The following DAB1 variants were observed in gnomAD, a reference collection of about 807,000 sequenced individuals.
The protein encoded by DAB1 is DAB adaptor protein 1, also known as disabled homolog 1.
In DAB1, 15 loss-of-function variants were observed where a neutral mutation model predicts 64.6. That is an observed-to-expected ratio of 0.23 (90% CI 0.16 to 0.36). The LOEUF is 0.36. DAB1 is among the 10% of genes least tolerant of loss of function. The probability of loss-of-function intolerance (pLI) is 1.00; values close to 1 mark genes in which losing one functional copy is unlikely to be tolerated. For synonymous variants in DAB1, 235 were observed against 251.9 expected (o/e 0.93, Z 0.64); for missense variants, 596 against 706.7 (o/e 0.84, Z 1.78).
intron 5 of DAB1, among the ~76,000 whole-genome samples, chr1:57,976,450 C>A (rs896989548): frequency 3.3e-5 from 5 of 152,158 alleles, no homozygotes; most frequent in Non-Finnish European, 7.3e-5. Flanking sequence ...TGCAATGACA[C>A]CAAGCCTGTT....
At chr1:57,697,455 G>A in intron 6 of DAB1, among the ~76,000 whole-genome samples, 1 of 150,674 alleles carries the variant, frequency 6.6e-6, no homozygotes, top group South Asian at 2.1e-4. Context: ...AAAAAAGGAG[G>A]GGCGAAGTAG....
intron 4 of DAB1, among the ~76,000 whole-genome samples, chr1:58,199,836 A>G (rs1438549424): frequency 6.6e-6 from 1 of 152,182 alleles, no homozygotes. Flanking sequence ...AATAGAATGC[A>G]AGTCAGTGGG....
intron 6 of DAB1, among the ~76,000 whole-genome samples, chr1:57,680,605 T>G (rs1473120775): frequency 6.6e-6 from 1 of 152,224 alleles, no homozygotes; most frequent in Non-Finnish European, 1.5e-5. Flanking sequence ...AGTATCTCTC[T>G]TTCTCTGACC....
intron 7 of DAB1, among the ~76,000 whole-genome samples, chr1:57,462,707 G>A (rs575086601): frequency 6.6e-6 from 1 of 152,122 alleles, no homozygotes; most frequent in Non-Finnish European, 1.5e-5. Context: ...CACAGCTCTC[G>A]GGAGTGATGG....
chr1:57,679,193 GA>G (rs760480336), intron 6 of DAB1, among the ~76,000 whole-genome samples: 2 of 152,152 alleles, frequency 1.3e-5, no homozygotes, highest in Non-Finnish European at 2.9e-5. Context: ...ATCTGAATGA[GA>G]CCCCATAGCC....
At chr1:57,024,464 T>TC (rs896519312) in intron 10 of DAB1, among the ~76,000 whole-genome samples, 1 of 152,166 alleles carries the variant, frequency 6.6e-6, no homozygotes, top group African/African-American at 2.4e-5. Context: ...TCCTTTTTTT[T>TC]CCCCTTGGAA....
intron 7 of DAB1, among the ~76,000 whole-genome samples, chr1:57,560,987 G>T (rs1645043652): frequency 6.6e-6 from 1 of 152,156 alleles, no homozygotes; most frequent in Non-Finnish European, 1.5e-5. Context: ...GACCCATCTA[G>T]CCATAAAGTG....
intron 3 of DAB1, among the ~76,000 whole-genome samples, chr1:58,433,260 G>A (rs1398201119): frequency 6.6e-6 from 1 of 152,092 alleles, no homozygotes; most frequent in Non-Finnish European, 1.5e-5. Context: ...AGTAGGGAGG[G>A]TAAGAGGGTC....
intron 2 of DAB1, among the ~76,000 whole-genome samples, chr1:57,270,575 G>A (rs1670914277): frequency 6.6e-6 from 1 of 152,164 alleles, no homozygotes; most frequent in South Asian, 2.1e-4. Context: ...GAGAAGCAAG[G>A]TTCAAATCCA....
chr1:58,184,871 G>A (rs1656986432), intron 4 of DAB1, among the ~76,000 whole-genome samples: 1 of 152,122 alleles, frequency 6.6e-6, no homozygotes, highest in African/African-American at 2.4e-5. Context: ...GGATACATTG[G>A]TTGAGCTCTT....
At chr1:57,848,785 G>A (rs1000518793) in intron 1 of DAB1, among the ~76,000 whole-genome samples, 4 of 152,192 alleles carry the variant, frequency 2.6e-5, no homozygotes, top group Admixed American at 2.0e-4. Flanking sequence ...TGCATGTGGT[G>A]GTCATGGGCA....
At chr1:58,090,902 C>T (rs556725598) in intron 5 of DAB1, among the ~76,000 whole-genome samples, 16 of 152,308 alleles carry the variant, frequency 1.1e-4, no homozygotes, top group South Asian at 6.2e-4. Flanking sequence ...AGGGTGAGTA[C>T]GAGTTCTCTA....
chr1:57,666,062 T>C (rs1245065089), intron 6 of DAB1, among the ~76,000 whole-genome samples: 2 of 152,168 alleles, frequency 1.3e-5, no homozygotes, highest in African/African-American at 4.8e-5. Flanking sequence ...TATTTGCCCA[T>C]TTAACTGTCT....
intron 5 of DAB1, among the ~76,000 whole-genome samples, chr1:57,978,195 A>G (rs987264570): frequency 2.0e-5 from 3 of 152,208 alleles, no homozygotes; most frequent in Non-Finnish European, 1.5e-5. Flanking sequence ...CCAAAACAGC[A>G]TGGTACTGGT....
intron 5 of DAB1, among the ~76,000 whole-genome samples, chr1:58,138,566 T>C (rs1654082756): frequency 6.6e-6 from 1 of 152,100 alleles, no homozygotes; most frequent in African/African-American, 2.4e-5. Flanking sequence ...GATCTGATCA[T>C]GGGGCACTGG....
At chr1:57,398,120 T>C (rs916867074) in intron 1 of DAB1, among the ~76,000 whole-genome samples, 6 of 152,362 alleles carry the variant, frequency 3.9e-5, no homozygotes, top group Admixed American at 1.3e-4. Context: ...TTTTCACTCA[T>C]ACATTTGCTC....
In DAB1 at chr1:57,622,967, C is replaced by T. The variant is rs370965131; in HGVS notation, n.625+26625G>A. On this transcript the variant is annotated intron_variant and non_coding_transcript_variant, in intron 7 of 20. Coordinates refer to the DAB1 transcript ENST00000485760. ...ATTTAAAAATTAAACCCTGTTGTCTCCATGTCTGAATAATTGAGGTTTTTC... is the reference window on the plus strand; with the variant it reads ...ATTTAAAAATTAAACCCTGTTGTCTTCATGTCTGAATAATTGAGGTTTTTC... Among the ~76,000 whole-genome samples the T allele has an allele frequency of 6.6e-5, 10 of 152,166 alleles. 1 individual carries two copies. The highest frequency in any genetic ancestry group is 1.3e-4 in the Non-Finnish European group (9 of 68,032).
chr1:57,101,665 C>T (rs1654693878), intron 4 of DAB1, among the ~76,000 whole-genome samples: 1 of 152,210 alleles, frequency 6.6e-6, no homozygotes, highest in South Asian at 2.1e-4. Flanking sequence ...ATCCACTCAT[C>T]CTTCCACCCC....
chr1:57,707,269 G>A (rs1284394834), intron 6 of DAB1, among the ~76,000 whole-genome samples: 1 of 151,634 alleles, frequency 6.6e-6, no homozygotes, highest in Non-Finnish European at 1.5e-5. Context: ...CACAGTATGT[G>A]ACCTTTAGGT....
Sources: gnomAD v4.1 joint callset for allele counts (sites outside exome capture counted in the v4.1 genomes callset) on GRCh38, gnomAD v4.1.1 for gene constraint, MANE v1.5 for transcripts, NCBI Gene and HGNC (gene_info 2026-07-23, HGNC 2026-07-21) for gene names.